The following ANKRD30B variants were observed in gnomAD, a reference collection of about 807,000 sequenced individuals.
ANKRD30B encodes ankyrin repeat domain-containing protein 30B.
In ANKRD30B, 144 loss-of-function variants were observed where a neutral mutation model predicts 202.2. The ratio of observed to expected loss-of-function variants is 0.71; its 90% CI spans 0.62 to 0.82. The LOEUF is 0.82. Ranked by LOEUF, ANKRD30B falls within the 40% of genes least tolerant of loss-of-function variation. ANKRD30B has a pLI of 0.00. For missense variants in ANKRD30B, 1,487 were observed against 1,669.1 expected (o/e 0.89, Z 1.90); for synonymous variants, 508 against 561.3 (o/e 0.91, Z 1.34).
the ANKRD30B span, among the ~76,000 whole-genome samples, chr18:14,894,262 A>G: frequency 2.0e-5 from 3 of 152,198 alleles, no homozygotes; most frequent in Non-Finnish European, 4.4e-5. Context: ...CTTTTTTAAA[A>G]AATTATCTGA....
intron 30 of ANKRD30B, among the ~76,000 whole-genome samples, chr18:14,821,984 G>A (rs1004549595): frequency 2.6e-5 from 4 of 151,990 alleles, no homozygotes; most frequent in East Asian, 1.9e-4. Context: ...AATTCTCATC[G>A]GAGCTTTGCA....
In ANKRD30B at chr18:14,808,685, G is replaced by T. The variant is rs1357746476; in HGVS notation, c.2327G>T (p.Arg776Met). Residue 776 changes from arginine to methionine, a missense_variant, in exon 26 of 44, where the codon AGG (arginine) becomes ATG (methionine). Arg to Met is a moderately conservative substitution (Grantham distance 91). This residue lies in a region of ANKRD30B where 218 missense variants were observed against 320.1 expected (regional missense o/e 0.68). Coordinates refer to ENST00000690538, the MANE Select transcript of ANKRD30B (RefSeq NM_001367607.2). Reference sequence around the variant, plus strand: ...AAACCCATTTAGCCTACCTGTGGAAGGAAAGTTTCTCTTCCAAATAAAGCC... The same window carrying T: ...AAACCCATTTAGCCTACCTGTGGAATGAAAGTTTCTCTTCCAAATAAAGCC... The part of the protein sequence containing the change: ...KDGLLKPTCG[R>M]KVSLPNKALE... 3.3e-6 allele frequency: 5 copies of T among 1,531,252 alleles called. No homozygotes were observed. Among genetic ancestry groups the T allele is most frequent in the Non-Finnish European group, 1.8e-6 (2 of 1,135,534 alleles). The allele number at this position is 1,531,252 out of a possible 1,614,324, so 94.9% of individuals were successfully genotyped here.
intron 30 of ANKRD30B, among the ~76,000 whole-genome samples, chr18:14,821,664 G>T (rs2144115206): frequency 6.6e-6 from 1 of 152,200 alleles, no homozygotes; most frequent in Middle Eastern, 3.4e-3. Flanking sequence ...CGCTATTTTG[G>T]CCAGGCTGCT....
At chr18:14,764,207 G>A (rs1199614141) in intron 7 of ANKRD30B, 117 bp downstream of exon 7, 3 of 1,099,914 alleles carry the variant, frequency 2.7e-6, no homozygotes, top group East Asian at 2.7e-5. Context: ...GCAAGCTTAG[G>A]CAACACTTTT....
chr18:14,790,582 G>A (rs1568014043), intron 15 of ANKRD30B, among the ~76,000 whole-genome samples: 1 of 152,118 alleles, frequency 6.6e-6, no homozygotes, highest in African/African-American at 2.4e-5. Flanking sequence ...CTAATTTATT[G>A]AGAGTTTTTA....
chr18:14,933,355 C>T, the ANKRD30B span, among the ~76,000 whole-genome samples: 1 of 152,208 alleles, frequency 6.6e-6, no homozygotes, highest in African/African-American at 2.4e-5. Context: ...CAGCTCCTGT[C>T]CTGTTCTGCA....
the ANKRD30B span, among the ~76,000 whole-genome samples, chr18:14,901,760 C>A: frequency 6.6e-6 from 1 of 152,068 alleles, no homozygotes. Flanking sequence ...TGTGATAGGG[C>A]AATTAGGAGT....
At chr18:14,934,948 A>ACACACC in the ANKRD30B span, among the ~76,000 whole-genome samples, 47 of 126,496 alleles carry the variant, frequency 3.7e-4, no homozygotes, top group African/African-American at 1.6e-3. Context: ...ACACACACAC[A>ACACACC]CCCCATCGTG....
intron 9 of ANKRD30B, among the ~76,000 whole-genome samples, chr18:14,777,668 T>C (rs543816943): frequency 1.4e-4 from 22 of 152,234 alleles, no homozygotes; most frequent in Admixed American, 1.4e-3. Flanking sequence ...AATTATTTAT[T>C]GATGTGGCTC....
At chr18:14,778,419 C>T (rs765412305) in intron 10 of ANKRD30B, among the ~76,000 whole-genome samples, 2 of 152,074 alleles carry the variant, frequency 1.3e-5, no homozygotes, top group Non-Finnish European at 2.9e-5. Context: ...AATTCTTTAG[C>T]GAAAGATAAG....
the ANKRD30B span, among the ~76,000 whole-genome samples, chr18:14,921,985 A>T: frequency 1.3e-5 from 2 of 152,216 alleles, no homozygotes; most frequent in African/African-American, 4.8e-5. Flanking sequence ...AAACAAAAAA[A>T]TCCTTCATTA....
chr18:14,898,130 T>C, the ANKRD30B span, among the ~76,000 whole-genome samples: 6 of 152,232 alleles, frequency 3.9e-5, no homozygotes, highest in African/African-American at 2.4e-5. Flanking sequence ...ATTGTATCTA[T>C]GCTTAAAAGT....
intron 33 of ANKRD30B, among the ~76,000 whole-genome samples, chr18:14,828,565 G>C (rs1187773153): frequency 6.6e-6 from 1 of 152,162 alleles, no homozygotes. Context: ...GCTGACCCTT[G>C]AGTTTGCCAT....
chr18:14,855,223 G>A (rs1459435926), downstream of ANKRD30B, among the ~76,000 whole-genome samples: 2 of 152,148 alleles, frequency 1.3e-5, no homozygotes, highest in African/African-American at 4.8e-5. Flanking sequence ...GGGGTTGGGG[G>A]TAAGGTTATA....
At chr18:14,875,253 G>A in the ANKRD30B span, among the ~76,000 whole-genome samples, 4 of 152,142 alleles carry the variant, frequency 2.6e-5, no homozygotes, top group African/African-American at 9.7e-5. Flanking sequence ...CCATAACCTT[G>A]CAGACTTTCG....
chr18:14,882,797 T>A, the ANKRD30B span, among the ~76,000 whole-genome samples: 12 of 152,048 alleles, frequency 7.9e-5, no homozygotes, highest in African/African-American at 2.9e-4. Flanking sequence ...CAGTGTTAGG[T>A]CCATGTATGT....
intron 14 of ANKRD30B, among the ~76,000 whole-genome samples, chr18:14,785,060 GT>G (rs1409025156): frequency 6.6e-6 from 1 of 152,106 alleles, no homozygotes; most frequent in Non-Finnish European, 1.5e-5. Flanking sequence ...GTCTGTTTAT[GT>G]GTGTGGTACC....
At chr18:14,838,331 TC>T (rs1971268370) in intron 36 of ANKRD30B, among the ~76,000 whole-genome samples, 1 of 152,226 alleles carries the variant, frequency 6.6e-6, no homozygotes, top group Admixed American at 6.5e-5. Flanking sequence ...TAAACTGTAG[TC>T]TTAGTCTTAC....
At chr18:14,790,417 C>A (rs1284639683) in intron 15 of ANKRD30B, among the ~76,000 whole-genome samples, 1 of 152,152 alleles carries the variant, frequency 6.6e-6, no homozygotes, top group Admixed American at 6.5e-5. Context: ...CCAGAACTTA[C>A]AACACTATGT....
Sources: allele counts gnomAD v4.1 joint callset (sites outside exome capture counted in the v4.1 genomes callset), GRCh38; gene constraint gnomAD v4.1.1; regional missense constraint gnomAD v4.1.1; transcripts MANE v1.5; gene names NCBI Gene and HGNC (gene_info 2026-07-23, HGNC 2026-07-21).